Variants in SMAD5 observed in about 807,000 individuals in gnomAD.
SMAD5 encodes the protein SMAD family member 5, also known as MAD, mothers against decapentaplegic homolog 5.
Under a neutral mutation model 43.1 loss-of-function variants are expected in SMAD5, and 9 were observed. That is an observed-to-expected ratio of 0.21 (90% CI 0.13 to 0.36). The LOEUF is 0.36. Ranked by LOEUF, SMAD5 falls within the 10% of genes least tolerant of loss-of-function variation. SMAD5 has a pLI of 1.00. For synonymous variants in SMAD5, 190 were observed against 192.4 expected, an observed-to-expected ratio of 0.99 and a Z score of 0.10; for missense variants, 348 against 574.0, an observed-to-expected ratio of 0.61 and a Z score of 4.02.
At chr5:136,144,581 CTTAATATGTTTAGATA>C (rs1480348398) in intron 1 of SMAD5, among the ~76,000 whole-genome samples, 10 of 150,966 alleles carry the variant, frequency 6.6e-5, no homozygotes, top group Non-Finnish European at 1.3e-4. Flanking sequence ...TATATTACCT[CTTAATATGTTTAGATA>C]TATATAAATA....
chr5:136,161,676 T>G (rs983417788), intron 4 of SMAD5, among the ~76,000 whole-genome samples: 1 of 152,192 alleles, frequency 6.6e-6, no homozygotes, highest in African/African-American at 2.4e-5. Context: ...TGGAGAAAGA[T>G]AAGTAGATTT....
chr5:136,145,105 T>C (rs1486978650), intron 1 of SMAD5, among the ~76,000 whole-genome samples: 1 of 141,078 alleles, frequency 7.1e-6, no homozygotes, highest in East Asian at 2.1e-4. Context: ...CCGTATTTCT[T>C]CTAAGATGTA....
chr5:136,166,128 G>A (rs1472591602), intron 5 of SMAD5, among the ~76,000 whole-genome samples: 1 of 150,870 alleles, frequency 6.6e-6, no homozygotes, highest in Non-Finnish European at 1.5e-5. Flanking sequence ...TGGGTATGAA[G>A]AGATATCTCA....
At position 136,177,821 on chromosome 5, in the gene SMAD5, AT is replaced by A. The variant is rs1201376590; in HGVS notation, c.*342del. Reference sequence around the variant, plus strand: ...AAAATGCATCACATGATGAAAAATTATAGTAGCTTATAAGAGGGCATATACA... The same window carrying A: ...AAAATGCATCACATGATGAAAAATTAAGTAGCTTATAAGAGGGCATATACA... On this transcript the variant is annotated 3_prime_UTR_variant, in exon 8 of 8. Coordinates refer to ENST00000545279, the MANE Select transcript of SMAD5 (RefSeq NM_005903.7). 1 of 203,722 alleles carries A rather than the reference AT, an allele frequency of 4.9e-6. No individual in the cohort carries two copies. The highest frequency in any genetic ancestry group is 2.4e-5 in the African/African-American group (1 of 42,298). 12.6% of individuals were successfully genotyped at this position (203,722 alleles called of 1,614,324 possible).
intron 5 of SMAD5, among the ~76,000 whole-genome samples, chr5:136,168,723 T>A (rs1754106744): frequency 6.6e-6 from 1 of 152,226 alleles, no homozygotes; most frequent in Non-Finnish European, 1.5e-5. Context: ...CCTGTTCACC[T>A]CTTCTTCCCC....
intron 6 of SMAD5, 109 bp downstream of exon 6, chr5:136,172,764 G>T: frequency 1.3e-6 from 1 of 744,524 alleles, no homozygotes; most frequent in Non-Finnish European, 2.4e-6. Flanking sequence ...TTTGACACGT[G>T]GCCTCTGCCT....
intron 7 of SMAD5, 109 bp downstream of exon 7, chr5:136,174,741 C>G (rs10515478): frequency 0.093 from 66,196 of 714,996 alleles, 3,941 homozygotes; most frequent in East Asian, 0.26. Flanking sequence ...TGCTTTTGGC[C>G]TGATTTAACA....
intron 2 of SMAD5, among the ~76,000 whole-genome samples, chr5:136,150,553 C>A (rs1369037095): frequency 2.6e-5 from 4 of 151,724 alleles, no homozygotes; most frequent in Non-Finnish European, 5.9e-5. Context: ...ATTCAGTGAC[C>A]ATAGCCTCTT....
intron 1 of SMAD5, chr5:136,147,332 G>T (rs746993): frequency 0.35 from 52,311 of 151,572 alleles, 9,636 homozygotes; most frequent in African/African-American, 0.49. Context: ...ACGTTAAGTG[G>T]TATAAAAATA....
chr5:136,175,874 G>C (rs915608421), intron 7 of SMAD5, among the ~76,000 whole-genome samples: 15 of 151,882 alleles, frequency 9.9e-5, no homozygotes, highest in Non-Finnish European at 1.9e-4. Flanking sequence ...TCACTCCCCT[G>C]ACCGCCCTCC....
At chr5:136,168,297 G>C (rs1754087718) in intron 5 of SMAD5, among the ~76,000 whole-genome samples, 1 of 152,186 alleles carries the variant, frequency 6.6e-6, no homozygotes, top group African/African-American at 2.4e-5. Context: ...AGTTTGGCCA[G>C]TATTTTATAT....
At chr5:136,174,287 T>C in intron 6 of SMAD5, 89 bp from the exon 7 acceptor site, 1 of 1,246,030 alleles carries the variant, frequency 8.0e-7, no homozygotes, top group Admixed American at 1.9e-5. Context: ...TGCTGTGGAT[T>C]AATGGGTACT....
chr5:136,144,243 A>G (rs1753186745), intron 1 of SMAD5, among the ~76,000 whole-genome samples: 2 of 152,190 alleles, frequency 1.3e-5, no homozygotes, highest in East Asian at 3.9e-4. Context: ...GAAAGGTTTC[A>G]TGGACACTGT....
chr5:136,170,678 A>G (rs1459898397), intron 5 of SMAD5, among the ~76,000 whole-genome samples: 1 of 152,168 alleles, frequency 6.6e-6, no homozygotes, highest in Non-Finnish European at 1.5e-5. Context: ...AAACACTGCT[A>G]TCTTGACGAT....
At chr5:136,145,456 C>G (rs1222608575) in intron 1 of SMAD5, among the ~76,000 whole-genome samples, 3 of 151,920 alleles carry the variant, frequency 2.0e-5, no homozygotes, top group Non-Finnish European at 4.4e-5. Context: ...TTCATACTTA[C>G]ATTCTTGATG....
intron 5 of SMAD5, among the ~76,000 whole-genome samples, chr5:136,171,281 A>G (rs1698763376): frequency 6.6e-6 from 1 of 152,204 alleles, no homozygotes; most frequent in African/African-American, 2.4e-5. Context: ...TTTTACAGAT[A>G]CTGATTATAG....
intron 1 of SMAD5, among the ~76,000 whole-genome samples, chr5:136,137,017 A>ATTTTTTTTTT (rs60239443): frequency 1.8e-5 from 2 of 109,012 alleles, no homozygotes; most frequent in Non-Finnish European, 3.8e-5. Context: ...TTTAGTTTTG[A>ATTTTTTTTTT]TTTTTTTTTT....
chr5:136,170,844 A>T (rs1271145831), intron 5 of SMAD5, among the ~76,000 whole-genome samples: 3 of 152,012 alleles, frequency 2.0e-5, no homozygotes, highest in African/African-American at 7.2e-5. Context: ...GTAAATTATA[A>T]TTTTTTTATT....
At chr5:136,146,314 G>A (rs1011781513) in intron 1 of SMAD5, among the ~76,000 whole-genome samples, 7 of 151,856 alleles carry the variant, frequency 4.6e-5, no homozygotes, top group South Asian at 2.1e-4. Context: ...CAGTTGCTAA[G>A]TACAGTCTTT....
Sources: allele counts gnomAD v4.1 joint callset (sites outside exome capture counted in the v4.1 genomes callset), GRCh38; gene constraint gnomAD v4.1.1; transcripts MANE v1.5; gene names NCBI Gene and HGNC (gene_info 2026-07-23, HGNC 2026-07-21).